Variants in DNAH6 observed in about 807,000 individuals in gnomAD.
DNAH6 encodes the protein axonemal beta dynein heavy chain 6.
Under a neutral mutation model 491.4 loss-of-function variants are expected in DNAH6, and 340 were observed. The observed-to-expected ratio is 0.69, with a 90% CI of 0.63 to 0.76. The LOEUF is 0.76. Among genes scored for constraint, DNAH6 ranks in the 30% least tolerant of loss-of-function variants. The probability of loss-of-function intolerance (pLI) is 0.00; values close to 1 mark genes in which losing one functional copy is unlikely to be tolerated. For missense variants in DNAH6, 4,443 were observed against 4,972.2 expected (o/e 0.89, Z 3.20); for synonymous variants, 1,603 against 1,686.1 (o/e 0.95, Z 1.21).
chr2:84,572,724 G>A (rs987386127), intron 11 of DNAH6, among the ~76,000 whole-genome samples: 48 of 152,260 alleles, frequency 3.2e-4, no homozygotes, highest in African/African-American at 1.1e-3. Context: ...AGTTTTCCTG[G>A]GACAAATTGC....
intron 59 of DNAH6, among the ~76,000 whole-genome samples, chr2:84,720,706 C>G (rs1163503704): frequency 6.6e-6 from 1 of 152,158 alleles, no homozygotes; most frequent in Non-Finnish European, 1.5e-5. Flanking sequence ...CATTGCCACC[C>G]TTCTGTCTGC....
chr2:84,484,312 T>G, the DNAH6 span, among the ~76,000 whole-genome samples: 3 of 152,174 alleles, frequency 2.0e-5, no homozygotes, highest in Non-Finnish European at 4.4e-5. Flanking sequence ...TTATACTTAT[T>G]TTATAATGTA....
chr2:84,505,243 A>G, the DNAH6 span, among the ~76,000 whole-genome samples: 1 of 152,148 alleles, frequency 6.6e-6, no homozygotes, highest in Non-Finnish European at 1.5e-5. Flanking sequence ...AGTTCTAATC[A>G]TATTTTGTCA....
the DNAH6 span, among the ~76,000 whole-genome samples, chr2:84,494,634 G>A: frequency 1.2e-4 from 18 of 152,286 alleles, no homozygotes; most frequent in East Asian, 2.7e-3. Flanking sequence ...GAAGTGACTA[G>A]AGAGTAGATT....
At chr2:84,618,978 G>T (rs1230674194) in intron 23 of DNAH6, among the ~76,000 whole-genome samples, 4 of 152,206 alleles carry the variant, frequency 2.6e-5, no homozygotes, top group Non-Finnish European at 5.9e-5. Flanking sequence ...TGGTGGGCCA[G>T]ATTTGGCCTG....
At chr2:84,716,817 T>C (rs979575674) in intron 58 of DNAH6, among the ~76,000 whole-genome samples, 1 of 152,138 alleles carries the variant, frequency 6.6e-6, no homozygotes, top group Non-Finnish European at 1.5e-5. Flanking sequence ...CTGCTATTTC[T>C]CCTAGATTGA....
At chr2:84,564,885 G>A (rs896926084) in intron 11 of DNAH6, among the ~76,000 whole-genome samples, 1 of 152,062 alleles carries the variant, frequency 6.6e-6, no homozygotes, top group Non-Finnish European at 1.5e-5. Flanking sequence ...TCTGCTTAGG[G>A]ATTTTATCAT....
chr2:84,621,838 A>C (rs976473116), intron 26 of DNAH6, among the ~76,000 whole-genome samples: 1 of 152,174 alleles, frequency 6.6e-6, no homozygotes, highest in African/African-American at 2.4e-5. Flanking sequence ...TTTAAGGACA[A>C]ACTGTATTCA....
chr2:84,688,616 A>T (rs375556405), intron 45 of DNAH6, 23 bp downstream of exon 45: 1 of 1,496,062 alleles, frequency 6.7e-7, no homozygotes. Flanking sequence ...AAGGCGCCCA[A>T]TAATGCATTG....
chr2:84,812,504 T>A lies in DNAH6; in HGVS notation c.11903T>A (p.Ile3968Asn). The A allele has an allele frequency of 6.5e-7, 1 of 1,549,700 alleles. No individual in the cohort carries two copies. The highest frequency in any genetic ancestry group is 1.2e-5 in the South Asian group (1 of 83,408). Residue 3968 changes from isoleucine to asparagine, a missense_variant, in exon 73 of 77, where the codon ATC becomes AAC. This residue lies in a region of DNAH6 where 1,463 missense variants were observed against 1,656.6 expected (regional missense o/e 0.88). Transcript: ENST00000389394. Reference sequence around the variant, plus strand: ...CTAGGATCATGGGTCAAAGACCTTATCCTGAGGACCTCATTTGTGGATGTA... The same window carrying A: ...CTAGGATCATGGGTCAAAGACCTTAACCTGAGGACCTCATTTGTGGATGTA... ...KPLGSWVKDL[I>N]LRTSFVDLWL...
At chr2:84,723,755 C>T (rs1698389909) in intron 60 of DNAH6, among the ~76,000 whole-genome samples, 1 of 152,176 alleles carries the variant, frequency 6.6e-6, no homozygotes, top group Non-Finnish European at 1.5e-5. Flanking sequence ...TTTATTTCAG[C>T]CTCTCTTCTT....
chr2:84,573,578 C>G lies in DNAH6; in HGVS notation c.1915C>G (p.Gln639Glu). The change falls in exon 12 of 77, where the codon CAG becomes GAG. Residue 639 changes from glutamine (Q) to glutamate (E), a missense_variant. Physicochemically the swap from Gln to Glu is conservative, Grantham distance 29. This residue lies in a region of DNAH6 where 2,977 missense variants were observed against 3,296.6 expected (regional missense o/e 0.90). Coordinates refer to ENST00000389394, the MANE Select transcript of DNAH6 (RefSeq NM_001370.2). The stretch of plus-strand genomic sequence containing the variant: ...TCTTGATTTACAAGCTCTTAAACTT[C>G]AGGAACCTGGTAACTTGTCCATTTG... Reference protein sequence around the residue: ...ESLDLQALKLQEPDINFFSEQ... With the variant: ...ESLDLQALKLEEPDINFFSEQ... 1.3e-6 allele frequency: 2 copies of G among 1,569,088 alleles called. No individual in the cohort carries two copies. Among genetic ancestry groups the G allele is most frequent in the South Asian group, 1.2e-5 (1 of 82,654 alleles).
At chr2:84,808,271 C>A in intron 71 of DNAH6, 144 bp from the exon 72 acceptor site, 4 of 865,442 alleles carry the variant, frequency 4.6e-6, no homozygotes, top group South Asian at 4.4e-5. Flanking sequence ...ATTATAGAAA[C>A]ATCACATTTA....
At chr2:84,815,419 A>C (rs1343956536) in intron 75 of DNAH6, among the ~76,000 whole-genome samples, 2 of 151,870 alleles carry the variant, frequency 1.3e-5, no homozygotes, top group Non-Finnish European at 2.9e-5. Flanking sequence ...ACATCCAATC[A>C]CATCACAGGA....
chr2:84,733,939 A>T (rs1047606170), intron 62 of DNAH6, among the ~76,000 whole-genome samples: 2 of 151,960 alleles, frequency 1.3e-5, no homozygotes, highest in Admixed American at 6.5e-5. Flanking sequence ...TCAAAATTAT[A>T]GTTTGATTAG....
At chr2:84,709,772 T>A (rs1696858797) in intron 55 of DNAH6, among the ~76,000 whole-genome samples, 1 of 152,158 alleles carries the variant, frequency 6.6e-6, no homozygotes, top group Non-Finnish European at 1.5e-5. Flanking sequence ...TGATTTTGAT[T>A]GGTTTTGTTT....
chr2:84,552,964 C>G lies in DNAH6; in HGVS notation c.1532C>G (p.Pro511Arg). ...EKQEEDESLI[P>R]MFLTELMLTV... ...CAAGAAGAAGATGAATCTCTCATCC[C>G]CATGTTTCTCACAGAACTAATGTTG... Residue 511 changes from proline (P) to arginine (R), a missense_variant, in exon 10 of 77, where the codon CCC becomes CGC. By Grantham distance (103) the Pro-to-Arg change is moderately radical. This residue lies in a region of DNAH6 where 2,977 missense variants were observed against 3,296.6 expected (regional missense o/e 0.90). Transcript: ENST00000389394. The G allele has an allele frequency of 6.2e-7, 1 of 1,612,116 alleles. No individual in the cohort carries two copies. Among genetic ancestry groups the G allele is most frequent in the Non-Finnish European group, 8.5e-7 (1 of 1,179,198 alleles).
At chr2:84,716,806 C>T (rs1180815673) in intron 58 of DNAH6, among the ~76,000 whole-genome samples, 1 of 152,062 alleles carries the variant, frequency 6.6e-6, no homozygotes, top group Non-Finnish European at 1.5e-5. Context: ...GCAGTATCTC[C>T]CTGCTATTTC....
chr2:84,720,750 G>A (rs993410185), intron 59 of DNAH6, among the ~76,000 whole-genome samples: 7 of 151,998 alleles, frequency 4.6e-5, no homozygotes, highest in African/African-American at 1.5e-4. Flanking sequence ...ATATTTCCTC[G>A]CCCATTCTTC....
Sources: allele counts gnomAD v4.1 joint callset (sites outside exome capture counted in the v4.1 genomes callset), GRCh38; gene constraint gnomAD v4.1.1; regional missense constraint gnomAD v4.1.1; transcripts MANE v1.5; gene names NCBI Gene and HGNC (gene_info 2026-07-23, HGNC 2026-07-21).